The following CSMD1 variants were observed in gnomAD, a reference collection of about 807,000 sequenced individuals.
CSMD1 encodes the protein CUB and Sushi multiple domains 1, also known as CUB and sushi domain-containing protein 1.
CSMD1 carries 213 observed loss-of-function variants against 417.5 expected under a neutral mutation model. The ratio of observed to expected loss-of-function variants is 0.51; its 90% confidence interval spans 0.46 to 0.57. The LOEUF (loss-of-function observed/expected upper bound fraction) is 0.57. CSMD1 is among the 20% of genes least tolerant of loss of function. The pLI, the probability that CSMD1 is intolerant of heterozygous loss-of-function variation, is 0.00. For missense variants in CSMD1, 6,923 were observed against 4,529.7 expected, an observed-to-expected ratio of 1.53 and a Z score of -15.17; for synonymous variants, 2,862 against 1,736.8, an observed-to-expected ratio of 1.65 and a Z score of -16.11.
chr8:4,849,775 T>C (rs1192269428), intron 1 of CSMD1, among the ~76,000 whole-genome samples: 3 of 152,212 alleles, frequency 2.0e-5, no homozygotes, highest in Non-Finnish European at 4.4e-5. Context: ...TTTTAGTAAG[T>C]GCACTCAATG....
At chr8:4,016,530 G>T (rs569472528) in intron 4 of CSMD1, among the ~76,000 whole-genome samples, 3 of 152,090 alleles carry the variant, frequency 2.0e-5, no homozygotes, top group African/African-American at 7.2e-5. Flanking sequence ...AGGATCTGGG[G>T]CTATGAGAAG....
intron 3 of CSMD1, among the ~76,000 whole-genome samples, chr8:4,353,224 C>T (rs7832586): frequency 5.3e-5 from 8 of 151,844 alleles, no homozygotes; most frequent in Middle Eastern, 3.4e-3. Context: ...TGAATCATGA[C>T]GACGGTTTCC....
At position 4,420,468 on chromosome 8, in the gene CSMD1, C is replaced by G. The variant is rs12681349; in HGVS notation, c.303-403G>C. ...CGTCATGGTGGTTTGCTGCACCTCTCAACCCATCACGTCGGTATGAAGCCC... is the reference window on the plus strand; with the variant it reads ...CGTCATGGTGGTTTGCTGCACCTCTGAACCCATCACGTCGGTATGAAGCCC... On this transcript the variant is annotated intron_variant, in intron 2 of 69. Coordinates refer to ENST00000635120, the MANE Select transcript of CSMD1 (RefSeq NM_033225.6). Among the ~76,000 whole-genome samples the G allele has an allele frequency of 1.4e-4, 22 of 151,924 alleles. No individual in the cohort carries two copies. The East Asian group carries it at 4.3e-3, about 30-fold the overall frequency.
intron 3 of CSMD1, among the ~76,000 whole-genome samples, chr8:4,360,066 C>T (rs762059665): frequency 1.3e-5 from 2 of 152,148 alleles, no homozygotes; most frequent in Non-Finnish European, 2.9e-5. Flanking sequence ...CGTCTCTGAC[C>T]GCCTGGGATC....
At chr8:3,002,713 T>C (rs1369578991) in intron 52 of CSMD1, among the ~76,000 whole-genome samples, 1 of 152,216 alleles carries the variant, frequency 6.6e-6, no homozygotes, top group East Asian at 1.9e-4. Context: ...GAAGTTGCAC[T>C]CTTCTTTGGG....
At chr8:4,196,291 G>A (rs879734518) in intron 3 of CSMD1, among the ~76,000 whole-genome samples, 1 of 152,182 alleles carries the variant, frequency 6.6e-6, no homozygotes, top group Non-Finnish European at 1.5e-5. Context: ...AGTTTACAGA[G>A]CGCTCATTTG....
intron 10 of CSMD1, among the ~76,000 whole-genome samples, chr8:3,547,495 ATATAT>A (rs1372303735): frequency 6.6e-6 from 1 of 152,214 alleles, no homozygotes; most frequent in Non-Finnish European, 1.5e-5. Context: ...ACTTCTGAGC[ATATAT>A]TTATGCCTGA....
At chr8:2,984,593 C>T (rs926463088) in intron 54 of CSMD1, among the ~76,000 whole-genome samples, 5 of 152,302 alleles carry the variant, frequency 3.3e-5, no homozygotes, top group South Asian at 2.1e-4. Flanking sequence ...GTGATCCACC[C>T]ACCTTGGGCT....
chr8:3,923,357 G>T (rs143012258), intron 5 of CSMD1, among the ~76,000 whole-genome samples: 22 of 151,812 alleles, frequency 1.4e-4, no homozygotes, highest in African/African-American at 4.8e-4. Flanking sequence ...TATTTTTTTC[G>T]CTTGTCCCCT....
At chr8:4,427,771 A>C (rs752445409) in intron 2 of CSMD1, among the ~76,000 whole-genome samples, 23 of 152,172 alleles carry the variant, frequency 1.5e-4, no homozygotes, top group African/African-American at 2.2e-4. Flanking sequence ...TAGAAACTTC[A>C]ATTACAGATT....
At chr8:4,336,763 G>C (rs928894167) in intron 3 of CSMD1, among the ~76,000 whole-genome samples, 1 of 152,032 alleles carries the variant, frequency 6.6e-6, no homozygotes, top group African/African-American at 2.4e-5. Flanking sequence ...ATCCACAATG[G>C]GCAAAGCTGG....
chr8:4,317,558 G>A (rs916013256), intron 3 of CSMD1, among the ~76,000 whole-genome samples: 2 of 152,150 alleles, frequency 1.3e-5, no homozygotes, highest in African/African-American at 2.4e-5. Flanking sequence ...TAGATTTAAA[G>A]TGTCCAAGTT....
intron 3 of CSMD1, among the ~76,000 whole-genome samples, chr8:4,380,600 C>A (rs908611201): frequency 5.9e-5 from 9 of 152,140 alleles, no homozygotes; most frequent in Non-Finnish European, 1.5e-5. Flanking sequence ...TAGGTGAAAA[C>A]TCAGAACATT....
At chr8:4,150,927 T>C (rs1266234481) in intron 3 of CSMD1, among the ~76,000 whole-genome samples, 2 of 152,076 alleles carry the variant, frequency 1.3e-5, no homozygotes, top group Non-Finnish European at 2.9e-5. Flanking sequence ...TCCTGTGCTT[T>C]AATTACAGTC....
intron 18 of CSMD1, among the ~76,000 whole-genome samples, chr8:3,378,028 G>C (rs181623245): frequency 5.3e-5 from 8 of 152,304 alleles, no homozygotes; most frequent in Admixed American, 2.6e-4. Context: ...GTGTGACCTG[G>C]TCTTGGAGGT....
chr8:4,491,343 C>T (rs1801688941), intron 2 of CSMD1, among the ~76,000 whole-genome samples: 1 of 152,128 alleles, frequency 6.6e-6, no homozygotes, highest in Non-Finnish European at 1.5e-5. Context: ...AGTCTGGGCG[C>T]ACGTGTCCAG....
chr8:4,961,844 G>C (rs1056963931), intron 1 of CSMD1, among the ~76,000 whole-genome samples: 24 of 151,900 alleles, frequency 1.6e-4, no homozygotes, highest in African/African-American at 5.3e-4. Flanking sequence ...TGTTGTCCAC[G>C]TCTTGATTTC....
rs559459037 is a variant in CSMD1, at chr8:4,131,410, G to T, written c.416-99311C>A. Reference sequence around the variant, plus strand: ...CCCTTAAGCCTTCCTTGAGCTATTTGTACCACCTCTCTCTCAACTACCCCT... The same window carrying T: ...CCCTTAAGCCTTCCTTGAGCTATTTTTACCACCTCTCTCTCAACTACCCCT... On this transcript the variant is annotated intron_variant, in intron 3 of 69. Transcript: ENST00000635120. 5.9e-5 allele frequency among the ~76,000 whole-genome samples: 9 copies of T among 152,124 alleles called. No homozygotes were observed. The South Asian group carries it at 1.9e-3, about 32-fold the overall frequency.
chr8:3,096,382 A>G (rs1198147851), intron 47 of CSMD1, among the ~76,000 whole-genome samples: 1 of 151,780 alleles, frequency 6.6e-6, no homozygotes, highest in Non-Finnish European at 1.5e-5. Flanking sequence ...TGTTCTCCTG[A>G]TAGTAAGTCC....
Sources: gnomAD v4.1 joint callset for allele counts (sites outside exome capture counted in the v4.1 genomes callset) on GRCh38, gnomAD v4.1.1 for gene constraint, MANE v1.5 for transcripts, NCBI Gene and HGNC (gene_info 2026-07-23, HGNC 2026-07-21) for gene names.